The following CNTN4 variants were observed in gnomAD, a reference collection of about 807,000 sequenced individuals.
CNTN4 encodes the protein contactin-4.
CNTN4 carries 77 observed loss-of-function variants against 122.5 expected under a neutral mutation model. The observed-to-expected ratio is 0.63, with a 90% CI of 0.52 to 0.76. The LOEUF (loss-of-function observed/expected upper bound fraction) is 0.76, where lower values mean the gene tolerates loss of function less well. Ranked by LOEUF, CNTN4 falls within the 30% of genes least tolerant of loss-of-function variation. The pLI is 0.00. For synonymous variants in CNTN4, 512 were observed against 447.0 expected (o/e 1.15, Z -1.83); for missense variants, 1,256 against 1,259.1 (o/e 1.00, Z 0.04).
chr3:2,256,979 A>C (rs2040620139), intron 2 of CNTN4, among the ~76,000 whole-genome samples: 1 of 152,196 alleles, frequency 6.6e-6, no homozygotes, highest in African/African-American at 2.4e-5. Flanking sequence ...CTGTATAGCC[A>C]AGACAATCAT....
At chr3:3,007,569 G>A (rs140512848) in intron 14 of CNTN4, among the ~76,000 whole-genome samples, 15 of 152,350 alleles carry the variant, frequency 9.8e-5, no homozygotes, top group African/African-American at 3.6e-4. Flanking sequence ...CCTAGGAAAT[G>A]AAGTTGCCTT....
intron 13 of CNTN4, among the ~76,000 whole-genome samples, chr3:2,941,428 C>T (rs983344596): frequency 6.6e-6 from 1 of 152,218 alleles, no homozygotes; most frequent in South Asian, 2.1e-4. Context: ...GGAACTCACT[C>T]CTGCCACCAG....
At chr3:2,852,091 G>A (rs2093559037) in intron 7 of CNTN4, among the ~76,000 whole-genome samples, 1 of 152,096 alleles carries the variant, frequency 6.6e-6, no homozygotes, top group South Asian at 2.1e-4. Context: ...TCAGTTTTTT[G>A]AAAGTGAGAG....
chr3:2,136,758 A>C (rs941395386), intron 2 of CNTN4, among the ~76,000 whole-genome samples: 1 of 151,930 alleles, frequency 6.6e-6, no homozygotes, highest in African/African-American at 2.4e-5. Context: ...AGTTTATGCT[A>C]TTTGTAATTA....
intron 2 of CNTN4, among the ~76,000 whole-genome samples, chr3:2,330,739 G>C (rs533982844): frequency 8.2e-4 from 125 of 152,192 alleles, no homozygotes; most frequent in Non-Finnish European, 1.5e-3. Flanking sequence ...TTTCTTCTTA[G>C]AGTATATGAA....
rs149118103 is a variant in CNTN4 at position 2,896,194 on chromosome 3, C to T, written c.941-4491C>T. On this transcript the variant is annotated intron_variant, in intron 10 of 24. Coordinates refer to ENST00000418658, the MANE Select transcript of CNTN4 (RefSeq NM_175607.3). ...AATACAAGATATCAGCCAGTATCAG[C>T]AAAGTATGTGTATGTTTCTCAAGGT... Among the ~76,000 whole-genome samples the T allele has an allele frequency of 6.7e-4, 102 of 152,184 alleles. No homozygotes were observed. The East Asian group carries it at 0.019, about 28-fold the overall frequency.
chr3:2,689,707 C>A (rs185999051), intron 4 of CNTN4, among the ~76,000 whole-genome samples: 20 of 152,136 alleles, frequency 1.3e-4, no homozygotes, highest in Non-Finnish European at 2.2e-4. Context: ...AGCAGTAGAG[C>A]AGCTGATATA....
At chr3:2,165,987 AT>A (rs1188117605) in intron 2 of CNTN4, among the ~76,000 whole-genome samples, 3 of 152,108 alleles carry the variant, frequency 2.0e-5, no homozygotes, top group African/African-American at 7.2e-5. Flanking sequence ...TATCAGGGCT[AT>A]TTTGAATAAT....
At chr3:2,323,155 C>T (rs2043328761) in intron 2 of CNTN4, among the ~76,000 whole-genome samples, 1 of 152,164 alleles carries the variant, frequency 6.6e-6, no homozygotes, top group African/African-American at 2.4e-5. Flanking sequence ...GAATCGGTCT[C>T]TTCCATTTTA....
At chr3:2,128,162 G>A (rs535928753) in intron 2 of CNTN4, among the ~76,000 whole-genome samples, 1 of 152,186 alleles carries the variant, frequency 6.6e-6, no homozygotes, top group African/African-American at 2.4e-5. Context: ...ATAATTTGTG[G>A]CTTATTTTTA....
intron 13 of CNTN4, among the ~76,000 whole-genome samples, chr3:2,987,442 A>C (rs936494483): frequency 1.3e-5 from 2 of 152,216 alleles, no homozygotes; most frequent in African/African-American, 4.8e-5. Flanking sequence ...AGGCAGGCCA[A>C]TTAGGAGGCT....
At chr3:2,605,074 A>T (rs2081200763) in intron 4 of CNTN4, among the ~76,000 whole-genome samples, 1 of 152,212 alleles carries the variant, frequency 6.6e-6, no homozygotes, top group African/African-American at 2.4e-5. Context: ...TAGTGTCATC[A>T]TAGTTCACGG....
intron 13 of CNTN4, among the ~76,000 whole-genome samples, chr3:2,988,001 T>G (rs1434145380): frequency 6.6e-6 from 1 of 152,240 alleles, no homozygotes; most frequent in South Asian, 2.1e-4. Flanking sequence ...TTAGCAGTTA[T>G]AAGACTAATG....
chr3:2,610,262 A>T (rs1427496430), intron 4 of CNTN4, among the ~76,000 whole-genome samples: 2 of 152,210 alleles, frequency 1.3e-5, no homozygotes. Flanking sequence ...TCCTCTTAAG[A>T]AAAAACTCAA....
chr3:2,932,883 C>T lies in CNTN4; in HGVS notation c.1358+7104C>T, dbSNP rs940033752. Among the ~76,000 whole-genome samples, 9 of 152,094 alleles carry T rather than the reference C, an allele frequency of 5.9e-5. 1 individual carries two copies. The highest frequency in any genetic ancestry group is 7.2e-5 in the African/African-American group (3 of 41,482). On this transcript the variant is annotated intron_variant, in intron 13 of 24. Transcript: ENST00000418658. The stretch of plus-strand genomic sequence containing the variant: ...TGTCGCCCAGGCTGGAGGGCAGTGG[C>T]GCGATCTCGGCTCCCTGCGAGCTCC...
intron 6 of CNTN4, among the ~76,000 whole-genome samples, chr3:2,767,269 G>A (rs2090903583): frequency 6.6e-6 from 1 of 152,128 alleles, no homozygotes; most frequent in Admixed American, 6.5e-5. Flanking sequence ...ATTGATCTGG[G>A]GAGAGGGGGA....
chr3:2,890,344 A>G (rs1046020512), intron 10 of CNTN4, among the ~76,000 whole-genome samples: 1 of 152,212 alleles, frequency 6.6e-6, no homozygotes, highest in Admixed American at 6.5e-5. Flanking sequence ...TCCAATTTAA[A>G]TGAATTATGA....
chr3:2,986,904 T>A (rs1694630947), intron 13 of CNTN4, among the ~76,000 whole-genome samples: 1 of 152,144 alleles, frequency 6.6e-6, no homozygotes, highest in South Asian at 2.1e-4. Flanking sequence ...ATGCTACCAT[T>A]CCATGTGATA....
chr3:2,212,408 C>G (rs2038662282), intron 2 of CNTN4, among the ~76,000 whole-genome samples: 1 of 152,190 alleles, frequency 6.6e-6, no homozygotes, highest in African/African-American at 2.4e-5. Context: ...CTCACAGTTC[C>G]ACATGGCTGG....
Sources: allele counts gnomAD v4.1 joint callset (sites outside exome capture counted in the v4.1 genomes callset), GRCh38; gene constraint gnomAD v4.1.1; transcripts MANE v1.5; gene names NCBI Gene and HGNC (gene_info 2026-07-23, HGNC 2026-07-21).